Variants in ECPAS observed in about 807,000 individuals in gnomAD.
ECPAS encodes the protein Ecm29 proteasome adaptor and scaffold, also known as proteasome adapter and scaffold protein ECM29.
In ECPAS, 70 loss-of-function variants were observed where a neutral mutation model predicts 255.1. The observed-to-expected ratio is 0.27, with a 90% CI of 0.23 to 0.33. ECPAS has a LOEUF of 0.33. ECPAS is among the 10% of genes least tolerant of loss of function. ECPAS has a pLI of 1.00. For missense variants in ECPAS, 1,817 were observed against 2,206.4 expected (o/e 0.82, Z 3.54); for synonymous variants, 784 against 775.0 (o/e 1.01, Z -0.19).
At chr9:111,372,996 C>T (rs776330168) in intron 41 of ECPAS, among the ~76,000 whole-genome samples, 174 bp downstream of exon 41, 2 of 152,026 alleles carry the variant, frequency 1.3e-5, no homozygotes, top group Non-Finnish European at 2.9e-5. Flanking sequence ...AGCACCACTG[C>T]ACTCCAACCT....
intron 25 of ECPAS, 89 bp downstream of exon 25, chr9:111,396,941 A>G (rs568701073): frequency 4.1e-6 from 6 of 1,463,552 alleles, no homozygotes; most frequent in Non-Finnish European, 5.7e-6. Context: ...AGTAATATGG[A>G]ATGTGTAATG....
chr9:111,445,660 T>C (rs964065201), intron 3 of ECPAS, among the ~76,000 whole-genome samples: 1 of 152,164 alleles, frequency 6.6e-6, no homozygotes, highest in African/African-American at 2.4e-5. Context: ...TTTATTTTTG[T>C]CTGGGAGTTG....
chr9:111,418,127 A>G (rs1201568606), intron 16 of ECPAS, 121 bp from the exon 17 acceptor site: 2 of 856,662 alleles, frequency 2.3e-6, no homozygotes, highest in Non-Finnish European at 3.4e-6. Context: ...TCTTAAATAC[A>G]TTCTTGGCTA....
At position 111,405,241 on chromosome 9, in the gene ECPAS, G is replaced by A. The variant is rs370783548; in HGVS notation, c.2652+3330C>T. On this transcript the variant is annotated intron_variant, in intron 24 of 49. Transcript: ENST00000684092. ...ACATACACCAATGGAACAGAATAGAGAACCCAAAGATAAATCTACTGATTT... is the reference window on the plus strand; with the variant it reads ...ACATACACCAATGGAACAGAATAGAAAACCCAAAGATAAATCTACTGATTT... Among the ~76,000 whole-genome samples, 12 of 149,752 alleles carry A rather than the reference G, an allele frequency of 8.0e-5. 2 individuals carry two copies. The East Asian group carries it at 1.4e-3, about 18-fold the overall frequency.
At chr9:111,385,467 T>C (rs1246853127) in intron 32 of ECPAS, 25 bp from the exon 33 acceptor site, 12 of 1,278,092 alleles carry the variant, frequency 9.4e-6, no homozygotes, top group Admixed American at 2.2e-5. Context: ...TTCATTTCAA[T>C]ATATGATGAA....
chr9:111,362,736 A>C (rs1376848749), intron 49 of ECPAS, among the ~76,000 whole-genome samples: 1 of 152,182 alleles, frequency 6.6e-6, no homozygotes, highest in African/African-American at 2.4e-5. Context: ...ATGTGGCTTC[A>C]GGCAAGTTTA....
chr9:111,463,570 A>G (rs867249208), intron 2 of ECPAS, among the ~76,000 whole-genome samples: 8 of 152,248 alleles, frequency 5.3e-5, no homozygotes, highest in Non-Finnish European at 1.0e-4. Flanking sequence ...GAGTGGCTCA[A>G]TCAGATTTCA....
intron 1 of ECPAS, among the ~76,000 whole-genome samples, chr9:111,476,547 T>C (rs1482008850): frequency 6.6e-6 from 1 of 151,986 alleles, no homozygotes; most frequent in East Asian, 1.9e-4. Context: ...CCCAAAAATC[T>C]ACTATGTTCT....
chr9:111,455,485 G>GA (rs1393319880), intron 2 of ECPAS, among the ~76,000 whole-genome samples: 4 of 151,850 alleles, frequency 2.6e-5, no homozygotes, highest in Non-Finnish European at 5.9e-5. Context: ...CTCTGTCTCA[G>GA]AAAAAGAAAG....
chr9:111,407,102 T>TAA (rs1224765159), intron 24 of ECPAS, among the ~76,000 whole-genome samples: 1 of 139,392 alleles, frequency 7.2e-6, no homozygotes, highest in Non-Finnish European at 1.5e-5. Context: ...GAGCCTTCAT[T>TAA]AAAAAAAAAA....
Position 111,411,112 on chromosome 9 carries a change from C to T in ECPAS, c.2245G>A (p.Ala749Thr). ...TACCTTCCCACCGTGAATCCCAATG[C>T]AAGCAAGGATCCATGCTGTATCTCC... The part of the protein sequence containing the change: ...SPEIQHGSLL[A>T]LGFTVGRYLA... Residue 749 changes from alanine to threonine, a missense_variant, in exon 22 of 50, where the codon GCA becomes ACA. Coordinates refer to ENST00000684092, the MANE Select transcript of ECPAS (RefSeq NM_001364929.1). 1.2e-6 allele frequency: 2 copies of T among 1,613,814 alleles called. No individual in the cohort carries two copies. The highest frequency in any genetic ancestry group is 1.7e-6 in the Non-Finnish European group (2 of 1,179,812).
At chr9:111,443,100 C>A (rs1483533331) in intron 4 of ECPAS, among the ~76,000 whole-genome samples, 1 of 152,178 alleles carries the variant, frequency 6.6e-6, no homozygotes, top group African/African-American at 2.4e-5. Flanking sequence ...CGTAAATATT[C>A]CAAAATCCAA....
chr9:111,389,695 G>A lies in ECPAS; in HGVS notation c.3308C>T (p.Ala1103Val). ...AGCCAGCTGCTCTCCAGCTCTGGTA[G>A]CAATTACATTAAAACCAAAAGCAGC... is the stretch of plus-strand genomic sequence containing the variant. ...KGAAFGFNVIATRAGEQLAPF... is the reference protein window; with the variant it reads ...KGAAFGFNVIVTRAGEQLAPF... Residue 1103 changes from alanine (A) to valine (V), a missense_variant, in exon 31 of 50, where the codon GCT becomes GTT. Around this residue, in one of 4 missense-constraint regions of ECPAS, gnomAD observed 960 missense variants for 1,179.0 expected, o/e 0.81. Coordinates refer to ENST00000684092, the MANE Select transcript of ECPAS (RefSeq NM_001364929.1). 6.2e-7 allele frequency: 1 copy of A among 1,613,024 alleles called. No individual in the cohort carries two copies. The highest frequency in any genetic ancestry group is 2.2e-5 in the East Asian group (1 of 44,852).
At chr9:111,394,079 G>T in intron 26 of ECPAS, 81 bp downstream of exon 26, 1 of 1,315,392 alleles carries the variant, frequency 7.6e-7, no homozygotes, top group South Asian at 1.7e-5. Flanking sequence ...ATTGGTTAAT[G>T]ACCTTCACCC....
intron 15 of ECPAS, among the ~76,000 whole-genome samples, chr9:111,420,408 A>C (rs907166725): frequency 6.6e-6 from 1 of 152,194 alleles, no homozygotes; most frequent in African/African-American, 2.4e-5. Context: ...CCATAACTAG[A>C]GAATCTCTGC....
chr9:111,428,039 T>G lies in ECPAS; in HGVS notation c.1050+3A>C. The G allele has an allele frequency of 6.2e-7, 1 of 1,612,206 alleles. No individual in the cohort carries two copies. The highest frequency in any genetic ancestry group is 8.5e-7 in the Non-Finnish European group (1 of 1,179,338). On this transcript the variant is annotated splice_donor_region_variant and intron_variant, in intron 10 of 49. Coordinates refer to ENST00000684092, the MANE Select transcript of ECPAS (RefSeq NM_001364929.1). The stretch of plus-strand genomic sequence containing the variant: ...CCAATATTCTCTGGAAAAAACAAAT[T>G]ACCTGAATGTTGGCTGGGAACGTTT...
At chr9:111,447,108 T>TA (rs2098254177) in intron 3 of ECPAS, among the ~76,000 whole-genome samples, 2 of 151,894 alleles carry the variant, frequency 1.3e-5, no homozygotes, top group African/African-American at 2.4e-5. Flanking sequence ...ATGCTTTTTT[T>TA]TAATAATAAA....
In ECPAS at chr9:111,362,165, A is replaced by G. The variant is rs2098114110; in HGVS notation, c.5385T>C (p.Ser1795=). ...IELLLKKLEE[S]KQWECLTSEC... is the part of the protein sequence containing the mutation. The stretch of plus-strand genomic sequence containing the variant: ...CAGATGTCAAACATTCCCACTGTTT[A>G]GATTCTGCATGAAAAAAAAAAAACA... Residue 1795 remains serine, a synonymous_variant, in exon 50 of 50, where the codon TCT becomes TCC. Transcript: ENST00000684092. The G allele has an allele frequency of 2.0e-6, 3 of 1,531,714 alleles. No individual in the cohort carries two copies. Among genetic ancestry groups the G allele is most frequent in the Non-Finnish European group, 2.6e-6 (3 of 1,142,740 alleles). 94.9% of individuals were successfully genotyped at this position (1,531,714 alleles called of 1,614,324 possible).
chr9:111,470,880 C>T (rs1181399516), intron 2 of ECPAS, among the ~76,000 whole-genome samples: 6 of 151,984 alleles, frequency 3.9e-5, no homozygotes, highest in African/African-American at 1.2e-4. Flanking sequence ...GTGCTAGACT[C>T]CCAACACTGA....
Sources: gnomAD v4.1 joint callset for allele counts (sites outside exome capture counted in the v4.1 genomes callset) on GRCh38, gnomAD v4.1.1 for gene constraint, gnomAD v4.1.1 regional missense constraint, MANE v1.5 for transcripts, NCBI Gene and HGNC (gene_info 2026-07-23, HGNC 2026-07-21) for gene names.